CASK: variants seen among roughly 807,000 people sequenced by gnomAD.
The protein encoded by CASK is calcium/calmodulin dependent serine protein kinase, also known as peripheral plasma membrane protein CASK.
CASK carries 4 observed loss-of-function variants against 82.9 expected under a neutral mutation model. The observed-to-expected ratio is 0.05, with a 90% CI of 0.02 to 0.11. CASK has a LOEUF of 0.11. CASK is among the 10% of genes least tolerant of loss of function. CASK has a pLI of 1.00. For synonymous variants in CASK, 259 were observed against 253.5 expected (o/e 1.02, Z -0.20); for missense variants, 358 against 720.9 (o/e 0.50, Z 5.76).
At chrX:41,542,579 T>C (rs996591518) in intron 22 of CASK, 112 bp downstream of exon 22, 5 of 510,502 alleles carry the variant, frequency 9.8e-6, no homozygotes, top group Admixed American at 8.6e-5. Context: ...GAAGATCTCA[T>C]ATGGTAGAAT....
chrX:41,791,465 G>A (rs2069717298), intron 2 of CASK, among the ~76,000 whole-genome samples: 1 of 110,688 alleles, frequency 9.0e-6, no homozygotes, highest in Non-Finnish European at 1.9e-5. Flanking sequence ...GCTCACACCT[G>A]TAATCCCAGC....
Position 41,521,077 on chromosome X carries a change from C to CA in CASK, c.2605-482dup, listed in dbSNP as rs754780789. Among the ~76,000 whole-genome samples the CA allele has an allele frequency of 9.4e-4, 106 of 112,637 alleles. 1 individual carries two copies. The Middle Eastern group carries it at 0.023, about 24-fold the overall frequency. ...CTTGGTCCTCCACACTCACTGGAGC[C>CA]AGGCCTCAGGGCCCAGCTGTGTTTG... On this transcript the variant is annotated intron_variant, in intron 26 of 26. Coordinates refer to ENST00000378163, the MANE Select transcript of CASK (RefSeq NM_001367721.1).
intron 1 of CASK, among the ~76,000 whole-genome samples, chrX:41,905,672 A>C (rs2072458667): frequency 8.8e-6 from 1 of 113,036 alleles, no homozygotes; most frequent in Admixed American, 9.3e-5. Context: ...GGGTGGGACT[A>C]GCTAGGTGAC....
At chrX:41,557,640 T>A (rs1241064861) in intron 18 of CASK, among the ~76,000 whole-genome samples, 1 of 111,555 alleles carries the variant, frequency 9.0e-6, no homozygotes, top group Non-Finnish European at 1.9e-5. Context: ...GAGATATACA[T>A]CAGAGAAGAA....
At chrX:41,694,090 C>T (rs1235765791) in intron 5 of CASK, among the ~76,000 whole-genome samples, 1 of 111,995 alleles carries the variant, frequency 8.9e-6, no homozygotes, top group Admixed American at 9.5e-5. Flanking sequence ...TATTCACCTT[C>T]CTTTCCCACA....
At chrX:41,830,261 A>T (rs1338595784) in intron 2 of CASK, among the ~76,000 whole-genome samples, 1 of 109,949 alleles carries the variant, frequency 9.1e-6, no homozygotes, top group Non-Finnish European at 1.9e-5. Context: ...CGGCCTCCCA[A>T]AGTGTTGGAA....
intron 8 of CASK, among the ~76,000 whole-genome samples, chrX:41,639,224 C>A (rs2066608237): frequency 9.1e-6 from 1 of 109,356 alleles, no homozygotes; most frequent in Admixed American, 9.9e-5. Context: ...CAGGTGTGCA[C>A]CACCACGCCC....
In CASK at chrX:41,836,513, C is replaced by A. The variant is rs1357281698; in HGVS notation, c.172+16602G>T. ...ACCAATGCTCAAAATGATTATCTGACAACTCAAAAAATATTGCACATTTAT... is the reference window on the plus strand; with the variant it reads ...ACCAATGCTCAAAATGATTATCTGAAAACTCAAAAAATATTGCACATTTAT... On this transcript the variant is annotated intron_variant, in intron 2 of 26. Coordinates refer to ENST00000378163, the MANE Select transcript of CASK (RefSeq NM_001367721.1). Among the ~76,000 whole-genome samples the A allele has an allele frequency of 7.9e-5, 8 of 101,405 alleles. No individual in the cohort carries two copies. The Admixed American group carries it at 8.3e-4, about 11-fold the overall frequency. The allele number at this position is 101,405 out of a possible 115,157, so 88.1% of individuals were successfully genotyped here.
intron 7 of CASK, among the ~76,000 whole-genome samples, chrX:41,662,809 G>A (rs1179570968): frequency 9.1e-6 from 1 of 109,968 alleles, no homozygotes; most frequent in Non-Finnish European, 1.9e-5. Context: ...GAACCACCAA[G>A]GTGATGAAAT....
chrX:41,525,841 T>C (rs2064704854), intron 25 of CASK, among the ~76,000 whole-genome samples: 1 of 111,594 alleles, frequency 9.0e-6, no homozygotes, highest in African/African-American at 3.3e-5. Context: ...CAAGGTTGGC[T>C]TTCACTAGGA....
At chrX:41,909,433 G>GCC (rs1191425940) in intron 1 of CASK, among the ~76,000 whole-genome samples, 1 of 111,978 alleles carries the variant, frequency 8.9e-6, no homozygotes, top group African/African-American at 3.2e-5. Context: ...ATTTATCATT[G>GCC]CCCCATTCAT....
chrX:41,682,913 T>C (rs1205572030), intron 5 of CASK, among the ~76,000 whole-genome samples: 1 of 111,317 alleles, frequency 9.0e-6, no homozygotes, highest in Admixed American at 9.6e-5. Flanking sequence ...ATCAGGACTA[T>C]GCTTATTAGA....
intron 2 of CASK, among the ~76,000 whole-genome samples, chrX:41,841,850 G>A (rs1201319508): frequency 3.6e-5 from 4 of 111,717 alleles, no homozygotes; most frequent in Admixed American, 2.8e-4. Context: ...AGTGTCTACT[G>A]AAGCATAAAA....
chrX:41,555,976 C>T (rs1237303060), intron 19 of CASK: 5 of 165,891 alleles, frequency 3.0e-5, no homozygotes, highest in Non-Finnish European at 5.7e-5. Context: ...AACTTAGTCA[C>T]TGCAACCATT....
chrX:41,598,603 C>T (rs2065855889), intron 12 of CASK, among the ~76,000 whole-genome samples: 1 of 111,464 alleles, frequency 9.0e-6, no homozygotes, highest in Non-Finnish European at 1.9e-5. Context: ...CTCAGGTGAT[C>T]CACCCACCTC....
chrX:41,747,433 G>A (rs2068706171), intron 3 of CASK, among the ~76,000 whole-genome samples: 1 of 110,931 alleles, frequency 9.0e-6, no homozygotes, highest in Non-Finnish European at 1.9e-5. Context: ...AGGACAAGGG[G>A]TATATACAAT....
chrX:41,644,504 A>G (rs1171645674), intron 8 of CASK, among the ~76,000 whole-genome samples: 1 of 111,752 alleles, frequency 8.9e-6, no homozygotes. Flanking sequence ...GGACCTTGTA[A>G]TAATTGCATT....
At chrX:41,678,998 G>A (rs2067310379) in intron 5 of CASK, among the ~76,000 whole-genome samples, 1 of 110,131 alleles carries the variant, frequency 9.1e-6, no homozygotes. Context: ...TGAGGTAGGA[G>A]GATCACTGGA....
In CASK at chrX:41,790,545, C is replaced by G. The variant is rs769566180; in HGVS notation, c.173-3262G>C. Among the ~76,000 whole-genome samples, 15 of 111,645 alleles carry G rather than the reference C, an allele frequency of 1.3e-4. 1 individual carries two copies. The South Asian group carries it at 4.1e-3, about 31-fold the overall frequency. On this transcript the variant is annotated intron_variant, in intron 2 of 26. Coordinates refer to ENST00000378163, the MANE Select transcript of CASK (RefSeq NM_001367721.1). ...TTGGTCTAGTCTCTTATCACCTACCCACTCTCAAAATAAAGGCAGAATTGC... is the reference window on the plus strand; with the variant it reads ...TTGGTCTAGTCTCTTATCACCTACCGACTCTCAAAATAAAGGCAGAATTGC...
Sources: gnomAD v4.1 joint callset for allele counts (sites outside exome capture counted in the v4.1 genomes callset) on GRCh38, gnomAD v4.1.1 for gene constraint, MANE v1.5 for transcripts, NCBI Gene and HGNC (gene_info 2026-07-23, HGNC 2026-07-21) for gene names.